The following MMP21 variants were observed in gnomAD, a reference collection of about 807,000 sequenced individuals.
MMP21 encodes the protein matrix metallopeptidase 21, also known as matrix metalloproteinase-21.
Under a neutral mutation model 47.8 loss-of-function variants are expected in MMP21, and 40 were observed. That is an observed-to-expected ratio of 0.84 (90% confidence interval 0.65 to 1.09). The LOEUF is 1.09. Among genes scored for constraint, MMP21 ranks in the 50% least tolerant of loss-of-function variants. The pLI is 0.00. For synonymous variants in MMP21, 341 were observed against 318.0 expected (o/e 1.07, Z -0.77); for missense variants, 747 against 775.3 (o/e 0.96, Z 0.43).
chr10:125,770,260 T>G, intron 5 of MMP21, 74 bp downstream of exon 5: 1 of 1,475,836 alleles, frequency 6.8e-7, no homozygotes, highest in South Asian at 1.2e-5. Flanking sequence ...GATTCCTTGG[T>G]AGGGGCTCAA....
Position 125,772,228 on chromosome 10 carries a change from T to C in MMP21, c.969A>G (p.Gln323=), listed in dbSNP as rs1383700647. ...ELDWSDRKAI[Q]KLYGSCEGSF... ...CCGCAGCAGTCTTACCATACAGCTT[T>C]TGAATTGCTTTCCTGTCTGACCAGT... Residue 323 remains glutamine (Q), a synonymous_variant, in exon 4 of 7, where the codon CAA becomes CAG. Transcript: ENST00000368808. This position sits in a 1 kb window ranked among gnomAD's most constrained non-coding sequence, Gnocchi z 5.6. The C allele has an allele frequency of 6.2e-7, 1 of 1,614,082 alleles. No homozygotes were observed. Among genetic ancestry groups the C allele is most frequent in the Non-Finnish European group, 8.5e-7 (1 of 1,180,034 alleles).
At chr10:125,768,008 CA>C (rs1850404990) in intron 5 of MMP21, among the ~76,000 whole-genome samples, 1 of 152,152 alleles carries the variant, frequency 6.6e-6, no homozygotes, top group African/African-American at 2.4e-5. Flanking sequence ...CGGCTCTCAT[CA>C]AAAGCAAAAA....
chr10:125,775,798 A>G lies in MMP21; in HGVS notation c.24T>C (p.Arg8=). 6.2e-7 allele frequency: 1 copy of G among 1,611,680 alleles called. No individual in the cohort carries two copies. The highest frequency in any genetic ancestry group is 8.5e-7 in the Non-Finnish European group (1 of 1,179,078). Residue 8 remains arginine (R), a synonymous_variant, in exon 1 of 7, where the codon CGT becomes CGC. Transcript: ENST00000368808. The part of the protein sequence containing the change: MLAASIF[R]PTLLLCWLAA... ...CCAGCCAGCAGAGCAGCAGTGTCGGACGGAAGATGGAGGCGGCGAGCATTG... is the reference window on the plus strand; with the variant it reads ...CCAGCCAGCAGAGCAGCAGTGTCGGGCGGAAGATGGAGGCGGCGAGCATTG...
At chr10:125,767,001 A>G in intron 6 of MMP21, 40 bp from the exon 7 acceptor site, 1 of 1,489,312 alleles carries the variant, frequency 6.7e-7, no homozygotes, top group South Asian at 1.4e-5. Context: ...TCTGAAAATT[A>G]TTAATATTTT....
chr10:125,771,693 G>A (rs1387825371), intron 4 of MMP21, among the ~76,000 whole-genome samples: 1 of 152,192 alleles, frequency 6.6e-6, no homozygotes, highest in African/African-American at 2.4e-5. Context: ...ATGAGCCACT[G>A]TGCCCGGCCT....
In MMP21 at chr10:125,775,150, C is replaced by G. The variant is rs1316340143; in HGVS notation, c.162+510G>C. On this transcript the variant is annotated intron_variant, in intron 1 of 6. Transcript: ENST00000368808. The stretch of plus-strand genomic sequence containing the variant: ...CATGGGTCCACTCCCTGCCCGCCAC[C>G]ACGACTCTCTGGAGGAGGGGATCGC... Among the ~76,000 whole-genome samples, 3 of 152,210 alleles carry G rather than the reference C, an allele frequency of 2.0e-5. No homozygotes were observed. In the East Asian group the frequency reaches 5.8e-4, roughly 29 times the overall value.
At position 125,772,257 on chromosome 10, in the gene MMP21, A is replaced by G. The variant is rs1424344781; in HGVS notation, c.940T>C (p.Leu314=). 9 of 1,613,988 alleles carry G rather than the reference A, an allele frequency of 5.6e-6. No homozygotes were observed. The highest frequency in any genetic ancestry group is 6.8e-6 in the Non-Finnish European group (8 of 1,180,024). Residue 314 remains leucine, a synonymous_variant, in exon 4 of 7, where the codon TTG becomes CTG. Coordinates refer to ENST00000368808, the MANE Select transcript of MMP21 (RefSeq NM_147191.1). The surrounding 1 kb of genome is among the most constrained non-coding windows in gnomAD (Gnocchi z 5.6). ...ATTGCTTTCCTGTCTGACCAGTCCA[A>G]CTCAAAGGCAGGCTCCTGGGGAATG... ...NYIPQEPAFE[L]DWSDRKAIQK... is the part of the protein sequence containing the mutation.
Position 125,772,246 on chromosome 10 carries a change from T to C in MMP21, c.951A>G (p.Ser317=), listed in dbSNP as rs1850454912. 1 of 1,614,206 alleles carries C rather than the reference T, an allele frequency of 6.2e-7. No homozygotes were observed. Among genetic ancestry groups the C allele is most frequent in the Non-Finnish European group, 8.5e-7 (1 of 1,180,032 alleles). ...ACAGCTTTTGAATTGCTTTCCTGTC[T>C]GACCAGTCCAACTCAAAGGCAGGCT... ...PQEPAFELDW[S]DRKAIQKLYG... Residue 317 remains serine (S), a synonymous_variant, in exon 4 of 7, where the codon TCA becomes TCG. Transcript: ENST00000368808. The surrounding 1 kb of genome is among the most constrained non-coding windows in gnomAD (Gnocchi z 5.6).
chr10:125,775,755 G>C lies in MMP21; in HGVS notation c.67C>G (p.Gln23Glu), dbSNP rs2133785623. ...LCWLAAPWPT[Q>E]PESLFHSRDR... The stretch of plus-strand genomic sequence containing the variant: ...CGGCTGTGGAAGAGACTCTCGGGCT[G>C]GGTGGGCCAGGGAGCAGCCAGCCAG... The change falls in exon 1 of 7, where the codon CAG becomes GAG. Residue 23 changes from glutamine to glutamate, a missense_variant. Physicochemically the swap from Gln to Glu is conservative, Grantham distance 29 (BLOSUM62 2). Transcript: ENST00000368808. 6 of 1,613,626 alleles carry C rather than the reference G, an allele frequency of 3.7e-6. No homozygotes were observed. The Admixed American group carries it at 5.0e-5, about 13-fold the overall frequency.
At position 125,766,773 on chromosome 10, in the gene MMP21, CTTGTCA is replaced by C. The variant is rs1850390822; in HGVS notation, c.1593_1598del (p.Asn531_Asp532del). 1 of 1,613,812 alleles carries C rather than the reference CTTGTCA, an allele frequency of 6.2e-7. No homozygotes were observed. The highest frequency in any genetic ancestry group is 1.1e-5 in the South Asian group (1 of 91,046). Reference sequence around the variant, plus strand: ...GAAGCCAGGAATTCTGTTGTTTGTCCTTGTCATTAACTACCTTCCAGTATGCATTGC... The same window carrying C: ...GAAGCCAGGAATTCTGTTGTTTGTCCTTAACTACCTTCCAGTATGCATTGC... On this transcript the variant is annotated inframe_deletion, in exon 7 of 7. Coordinates refer to ENST00000368808, the MANE Select transcript of MMP21 (RefSeq NM_147191.1).
In MMP21 at chr10:125,767,669, G is replaced by C. The variant is rs775611869; in HGVS notation, c.1273C>G (p.Gln425Glu). The C allele has an allele frequency of 1.2e-6, 2 of 1,614,172 alleles. No homozygotes were observed. The highest frequency in any genetic ancestry group is 1.6e-4 in the Middle Eastern group (1 of 6,062). The change falls in exon 6 of 7, where the codon CAG becomes GAG. Residue 425 changes from glutamine to glutamate, a missense_variant. Transcript: ENST00000368808. ...QYWRYDSDKDQALTEDEQGKS... is the reference protein window; with the variant it reads ...QYWRYDSDKDEALTEDEQGKS... ...CCTTGTTCATCTTCTGTGAGGGCCT[G>C]ATCCTTGTCACTGTCATATCTCCAG...
Position 125,766,480 on chromosome 10 carries a change from T to G in MMP21, c.*182A>C. On this transcript the variant is annotated 3_prime_UTR_variant, in exon 7 of 7. Transcript: ENST00000368808. ...TTTTTAAACCTTTTAGTTTATGAAT[T>G]ATGTTTTGCCTGAGCAATTGTTTTT... 1.9e-6 allele frequency: 1 copy of G among 535,250 alleles called. No homozygotes were observed. The highest frequency in any genetic ancestry group is 3.2e-6 in the Non-Finnish European group (1 of 316,006). 33.2% of individuals were successfully genotyped at this position (535,250 alleles called of 1,614,324 possible).
In MMP21 at chr10:125,773,893, TC is replaced by T; in HGVS notation, c.634del (p.Asp212ThrfsTer44). 1 of 1,578,278 alleles carries T rather than the reference TC, an allele frequency of 6.3e-7. No individual in the cohort carries two copies. The highest frequency in any genetic ancestry group is 1.4e-5 in the African/African-American group (1 of 72,212). ...GGGGGCGGCCAGGTCCTCGCGGAAG[TC>T]CAGCGGCGTCACCTCGCTCCACATC... ...FRMWSEVTPL[D>X]FREDLAAPGA... On this transcript the variant is annotated frameshift_variant, in exon 2 of 7. Coordinates refer to ENST00000368808, the MANE Select transcript of MMP21 (RefSeq NM_147191.1). LOFTEE classifies it high-confidence loss of function. The surrounding 1 kb of genome is among the most constrained non-coding windows in gnomAD (Gnocchi z 4.8).
Position 125,774,308 on chromosome 10 carries a change from C to A in MMP21, c.220G>T (p.Glu74Ter). ...GVWAAWGPSP[E>*]GPPETPKGAA... The stretch of plus-strand genomic sequence containing the variant: ...CCCTTGGGGGTCTCCGGCGGCCCCT[C>A]GGGACTGGGCCCCCAGGCCGCCCAC... The change falls in exon 2 of 7, where the codon GAG becomes TAG. Residue 74 changes from glutamate (E) to a stop codon, truncating the protein, a stop_gained. Transcript: ENST00000368808. LOFTEE classifies it high-confidence loss of function. The A allele has an allele frequency of 7.1e-7, 1 of 1,414,488 alleles. No homozygotes were observed. The highest frequency in any genetic ancestry group is 9.2e-7 in the Non-Finnish European group (1 of 1,092,342). The allele number at this position is 1,414,488 out of a possible 1,614,324, so 87.6% of individuals were successfully genotyped here. A position where few individuals can be genotyped will look rare whatever the true frequency, so the allele number is the denominator to read the frequency against.
rs148979542 is a variant in MMP21 at position 125,772,713 on chromosome 10, G to A, written c.735C>T (p.Ser245=). The change falls in exon 3 of 7, where the codon AGC becomes AGT. Residue 245 remains serine (S), a synonymous_variant. Transcript: ENST00000368808. The surrounding 1 kb of genome is among the most constrained non-coding windows in gnomAD (Gnocchi z 5.6). ...GCCAGGCGTGTGCAAACTCCTGCCC[G>A]CTCCCATCGAAGGCCCGCGGACAGC... ...HLGCPRAFDG[S]GQEFAHAWRL... 1.1e-4 allele frequency: 175 copies of A among 1,613,996 alleles called. No individual in the cohort carries two copies. Among genetic ancestry groups the A allele is most frequent in the Non-Finnish European group, 1.3e-4 (156 of 1,180,016 alleles).
At position 125,772,375 on chromosome 10, in the gene MMP21, C is replaced by T. The variant is rs1247200309; in HGVS notation, c.838-16G>A. On this transcript the variant is annotated splice_polypyrimidine_tract_variant and intron_variant, in intron 3 of 6. Coordinates refer to ENST00000368808, the MANE Select transcript of MMP21 (RefSeq NM_147191.1). The surrounding 1 kb of genome is among the most constrained non-coding windows in gnomAD (Gnocchi z 5.6). The stretch of plus-strand genomic sequence containing the variant: ...GGACGGCCACCTAGAAGGGGACACA[C>T]ACCATGGGTGCTGGGTGAAGCCTGG... 6.2e-7 allele frequency: 1 copy of T among 1,613,778 alleles called. No homozygotes were observed. Among genetic ancestry groups the T allele is most frequent in the Admixed American group, 1.7e-5 (1 of 60,012 alleles).
chr10:125,770,418 C>A lies in MMP21; in HGVS notation c.1153G>T (p.Gly385Cys). 1 of 1,614,042 alleles carries A rather than the reference C, an allele frequency of 6.2e-7. No homozygotes were observed. Among genetic ancestry groups the A allele is most frequent in the East Asian group, 2.2e-5 (1 of 44,898 alleles). The change falls in exon 5 of 7, where the codon GGC becomes TGC. Residue 385 changes from glycine to cysteine, a missense_variant. Coordinates refer to ENST00000368808, the MANE Select transcript of MMP21 (RefSeq NM_147191.1). ...TTGTGTGTTGGGATTCCAGGCCAGCCAGTGAGGATTTGGATAGGGTCCCCA... is the reference window on the plus strand; with the variant it reads ...TTGTGTGTTGGGATTCCAGGCCAGCAAGTGAGGATTTGGATAGGGTCCCCA... ...RYGDPIQILT[G>C]WPGIPTHNID...
In MMP21 at chr10:125,773,041, C is replaced by A. The variant is rs1299177270; in HGVS notation, c.698-291G>T. Among the ~76,000 whole-genome samples the A allele has an allele frequency of 6.6e-6, 1 of 152,228 alleles. No individual in the cohort carries two copies. Among genetic ancestry groups the A allele is most frequent in the Non-Finnish European group, 1.5e-5 (1 of 68,044 alleles). ...TGGGAAGATGGCAAAAAGGCCTCAC[C>A]CGGACAAGATCGGGGCCGGATCCTC... On this transcript the variant is annotated intron_variant, in intron 2 of 6. Transcript: ENST00000368808. This position sits in a 1 kb window ranked among gnomAD's most constrained non-coding sequence, Gnocchi z 4.8.
Position 125,766,913 on chromosome 10 carries a change from T to C in MMP21, c.1459A>G (p.Lys487Glu), listed in dbSNP as rs779248373. The C allele has an allele frequency of 2.9e-5, 47 of 1,611,570 alleles. No individual in the cohort carries two copies. The East Asian group carries it at 9.4e-4, about 32-fold the overall frequency. ...NRNRVLNSYP[K>E]RITEVFPAVI... is the part of the protein sequence containing the mutation. ...GCTGGAAAAACTTCAGTAATCCTCTTTGGATAAGAATTAAGTACTCGATTT... is the reference window on the plus strand; with the variant it reads ...GCTGGAAAAACTTCAGTAATCCTCTCTGGATAAGAATTAAGTACTCGATTT... Residue 487 changes from lysine to glutamate, a missense_variant, in exon 7 of 7, where the codon AAG becomes GAG. Coordinates refer to ENST00000368808, the MANE Select transcript of MMP21 (RefSeq NM_147191.1).
Sources: gnomAD v4.1 joint callset for allele counts (sites outside exome capture counted in the v4.1 genomes callset) on GRCh38, gnomAD v4.1.1 for gene constraint, Gnocchi (gnomAD v3.1) non-coding constraint, MANE v1.5 for transcripts, NCBI Gene and HGNC (gene_info 2026-07-23, HGNC 2026-07-21) for gene names.